CD99L2: variants seen among roughly 807,000 people sequenced by gnomAD.
CD99L2 encodes the protein CD99 antigen-like protein 2.
In CD99L2, 24 loss-of-function variants were observed where a neutral mutation model predicts 27.3. That is an observed-to-expected ratio of 0.88 (90% confidence interval 0.64 to 1.24). CD99L2 has a LOEUF of 1.24. Ranked by LOEUF, CD99L2 falls within the 50% of genes most tolerant of loss-of-function variation. CD99L2 has a pLI of 0.00. For missense variants in CD99L2, 255 were observed against 221.6 expected (o/e 1.15, Z -0.96); for synonymous variants, 97 against 87.9 (o/e 1.10, Z -0.58).
chrX:150,777,597 ACCCCCACCAGTGGATCAC>A, intron 7 of CD99L2, 115 bp from the exon 8 acceptor site: 1 of 755,498 alleles, frequency 1.3e-6, no homozygotes, highest in East Asian at 3.2e-5. Flanking sequence ...ATGCGACAAG[ACCCCCACCAGTGGATCAC>A]CCGTAGGCTT....
chrX:150,868,043 T>C (rs781957263), intron 1 of CD99L2, among the ~76,000 whole-genome samples: 131 of 101,546 alleles, frequency 1.3e-3, no homozygotes, highest in African/African-American at 4.3e-3. Flanking sequence ...GATTGTGCCA[T>C]TGCACTCCAG....
rs782542967 is a variant in CD99L2, at chrX:150,831,275, T to C, written c.86A>G (p.Asp29Gly). 8.3e-7 allele frequency: 1 copy of C among 1,200,954 alleles called. No individual in the cohort carries two copies. The highest frequency in any genetic ancestry group is 2.2e-5 in the Admixed American group (1 of 45,336). ...LVQRGSGDFD[D>G]FNLEDAVKET... ...TTTCACTGCATCCTCCAGGTTAAAA[T>C]CATCAAAGTCCCCAGATCCTAAAAA... The change falls in exon 2 of 11, where the codon GAT (aspartate) becomes GGT (glycine). Residue 29 changes from aspartate (D) to glycine (G), a missense_variant. Coordinates refer to ENST00000370377, the MANE Select transcript of CD99L2 (RefSeq NM_031462.4).
intron 4 of CD99L2, among the ~76,000 whole-genome samples, chrX:150,807,933 CTGG>C (rs2046019106): frequency 8.9e-6 from 1 of 112,306 alleles, no homozygotes; most frequent in Non-Finnish European, 1.9e-5. Flanking sequence ...TAATTTTTGG[CTGG>C]TACAAAACAC....
chrX:150,813,742 T>C (rs2043999447), intron 4 of CD99L2, among the ~76,000 whole-genome samples: 1 of 112,605 alleles, frequency 8.9e-6, no homozygotes, highest in Non-Finnish European at 1.9e-5. Flanking sequence ...ATTTCCATTC[T>C]GAGCAGTATG....
At position 150,775,692 on chromosome X, in the gene CD99L2, G is replaced by T. The variant is rs566059322; in HGVS notation, c.655+482C>A. On this transcript the variant is annotated intron_variant, in intron 9 of 10. Coordinates refer to ENST00000370377, the MANE Select transcript of CD99L2 (RefSeq NM_031462.4). ...CAGTGACTTCTCACGATGTGACGGG[G>T]GCACTGCCAGAGCAATAAGGGCCGT... 6.2e-5 allele frequency among the ~76,000 whole-genome samples: 7 copies of T among 112,421 alleles called. No individual in the cohort carries two copies. The South Asian group carries it at 2.6e-3, about 41-fold the overall frequency.
chrX:150,877,959 TACACACACACAC>T (rs72172934), intron 1 of CD99L2, among the ~76,000 whole-genome samples: 25 of 83,066 alleles, frequency 3.0e-4, no homozygotes, highest in South Asian at 1.3e-3. Flanking sequence ...CTCAAACACA[TACACACACACAC>T]ACACACACAC....
rs1569565998 is a variant in CD99L2 at position 150,824,177 on chromosome X, A to AGAAGGAGG, written c.130+7053_130+7054insCCTCCTTC. Among the ~76,000 whole-genome samples the AGAAGGAGG allele has an allele frequency of 1.0e-3, 13 of 12,465 alleles. 4 individuals carry two copies. Among genetic ancestry groups the AGAAGGAGG allele is most frequent in the African/African-American group, 1.7e-3 (10 of 5,983 alleles). 10.8% of individuals were successfully genotyped at this position (12,465 alleles called of 115,157 possible). On this transcript the variant is annotated intron_variant, in intron 2 of 10. Coordinates refer to ENST00000370377, the MANE Select transcript of CD99L2 (RefSeq NM_031462.4). ...GGAGGAGGAGGAGGAGGAGGAGGAG[A>AGAAGGAGG]AGGAGGAGGAGGAAGAAGAAGAGGA...
At chrX:150,826,329 C>T (rs1338634604) in intron 2 of CD99L2, among the ~76,000 whole-genome samples, 1 of 111,780 alleles carries the variant, frequency 8.9e-6, no homozygotes, top group Non-Finnish European at 1.9e-5. Context: ...GGAATGGGGA[C>T]ATTCATAAGA....
At chrX:150,789,417 C>T (rs1362870452) in intron 7 of CD99L2, among the ~76,000 whole-genome samples, 2 of 111,916 alleles carry the variant, frequency 1.8e-5, no homozygotes, top group African/African-American at 3.2e-5. Context: ...CCACCACGCC[C>T]GGCCTATGAA....
At chrX:150,855,935 TG>T (rs1415384088) in intron 1 of CD99L2, among the ~76,000 whole-genome samples, 3 of 112,073 alleles carry the variant, frequency 2.7e-5, no homozygotes, top group South Asian at 3.7e-4. Flanking sequence ...TACATTGTAA[TG>T]GCAGCCCCAG....
chrX:150,898,649 A>T lies in CD99L2; in HGVS notation c.-61T>A. 1 of 988,916 alleles carries T rather than the reference A, an allele frequency of 1.0e-6. No homozygotes were observed. The highest frequency in any genetic ancestry group is 2.1e-5 in the African/African-American group (1 of 48,344). The allele number at this position is 988,916 out of a possible 1,213,427, so 81.5% of individuals were successfully genotyped here. A position where few individuals can be genotyped will look rare whatever the true frequency, so the allele number is the denominator to read the frequency against. ...GTTAGCGCGAGAGCGCCCGAAGGGG[A>T]GGCCGAGGAGGAGCGGGAGGAGGAG... On this transcript the variant is annotated 5_prime_UTR_variant, in exon 1 of 11. Coordinates refer to ENST00000370377, the MANE Select transcript of CD99L2 (RefSeq NM_031462.4).
intron 10 of CD99L2, among the ~76,000 whole-genome samples, chrX:150,769,812 C>T (rs782615978): frequency 8.9e-5 from 10 of 112,690 alleles, no homozygotes; most frequent in Non-Finnish European, 1.5e-4. Flanking sequence ...CTTATGCGAC[C>T]TCAAATTGCC....
chrX:150,770,269 G>C (rs781939056), intron 10 of CD99L2, 35 bp downstream of exon 10: 1 of 1,178,553 alleles, frequency 8.5e-7, no homozygotes, highest in African/African-American at 1.8e-5. Flanking sequence ...AACTAGGAAA[G>C]CGTCAGCAAG....
intron 6 of CD99L2, 98 bp downstream of exon 6, chrX:150,795,108 G>C: frequency 1.0e-6 from 1 of 967,043 alleles, no homozygotes; most frequent in Admixed American, 2.2e-5. Context: ...GGGTTCTCCA[G>C]TGGCTTGAAG....
chrX:150,822,458 C>A (rs1452698973), intron 2 of CD99L2, among the ~76,000 whole-genome samples: 2 of 111,684 alleles, frequency 1.8e-5, no homozygotes, highest in East Asian at 2.8e-4. Flanking sequence ...GGTGGTTGTA[C>A]AACATTAAGA....
chrX:150,832,771 CGGGCGTGGT>C (rs1569566037), intron 1 of CD99L2, among the ~76,000 whole-genome samples: 1 of 110,535 alleles, frequency 9.0e-6, no homozygotes, highest in Admixed American at 9.5e-5. Flanking sequence ...CCACCAGGGC[CGGGCGTGGT>C]GGCTCACGCC....
chrX:150,871,370 T>C (rs1422842504), intron 1 of CD99L2, among the ~76,000 whole-genome samples: 4 of 111,223 alleles, frequency 3.6e-5, no homozygotes, highest in African/African-American at 9.8e-5. Context: ...TACAAGCAAA[T>C]ACATTCATGA....
At chrX:150,791,565 T>C (rs558650401) in intron 7 of CD99L2, among the ~76,000 whole-genome samples, 18 of 111,593 alleles carry the variant, frequency 1.6e-4, no homozygotes, top group South Asian at 7.6e-4. Context: ...CAGGAAGCCA[T>C]TGGGAACCAC....
At chrX:150,822,888 T>C (rs1557420706) in intron 2 of CD99L2, among the ~76,000 whole-genome samples, 1 of 112,420 alleles carries the variant, frequency 8.9e-6, no homozygotes, top group Non-Finnish European at 1.9e-5. Context: ...TCTTGAATTG[T>C]AGTTCTCATA....
Sources: allele counts gnomAD v4.1 joint callset (sites outside exome capture counted in the v4.1 genomes callset), GRCh38; gene constraint gnomAD v4.1.1; transcripts MANE v1.5; gene names NCBI Gene and HGNC (gene_info 2026-07-23, HGNC 2026-07-21).